The following NR3C2 variants were observed in gnomAD, a reference collection of about 807,000 sequenced individuals.
NR3C2 encodes mineralocorticoid receptor.
In NR3C2, 15 loss-of-function variants were observed where a neutral mutation model predicts 86.4. The observed-to-expected ratio is 0.17, with a 90% CI of 0.12 to 0.27. The LOEUF is 0.27. NR3C2 is among the 10% of genes least tolerant of loss of function. The pLI, the probability that NR3C2 is intolerant of heterozygous loss-of-function variation, is 1.00. For synonymous variants in NR3C2, 458 were observed against 450.5 expected (o/e 1.02, Z -0.21); for missense variants, 960 against 1,195.6 (o/e 0.80, Z 2.91).
chr4:148,277,335 C>T (rs6535597), intron 2 of NR3C2, among the ~76,000 whole-genome samples: 77,369 of 152,046 alleles, frequency 0.51, 21,069 homozygotes, highest in African/African-American at 0.71. Flanking sequence ...GAAAATAATG[C>T]ACCTTCGAAT....
At chr4:148,329,494 T>G (rs1744125552) in intron 2 of NR3C2, among the ~76,000 whole-genome samples, 1 of 152,232 alleles carries the variant, frequency 6.6e-6, no homozygotes, top group Non-Finnish European at 1.5e-5. Flanking sequence ...GATTCTACAC[T>G]TTTTGTTTCC....
Position 148,436,399 on chromosome 4 carries a change from T to TA in NR3C2, c.461dup (p.Ser155LysfsTer13). ...ATCTCAAGGGCGTGTTCACACAACT[T>TA]AGAGTGGAAGGACGATGGCCATTTC... On this transcript the variant is annotated frameshift_variant, in exon 2 of 9. Transcript: ENST00000358102. 6.2e-7 allele frequency: 1 copy of TA among 1,614,158 alleles called. No homozygotes were observed. Among genetic ancestry groups the TA allele is most frequent in the Non-Finnish European group, 8.5e-7 (1 of 1,180,034 alleles).
chr4:148,434,215 T>C (rs1405993638), intron 2 of NR3C2, among the ~76,000 whole-genome samples: 1 of 152,134 alleles, frequency 6.6e-6, no homozygotes, highest in Non-Finnish European at 1.5e-5. Context: ...AAGGAATAAT[T>C]TATCACAACC....
chr4:148,317,542 TA>T (rs1232201043), intron 2 of NR3C2, among the ~76,000 whole-genome samples: 2 of 152,136 alleles, frequency 1.3e-5, no homozygotes, highest in East Asian at 1.9e-4. Flanking sequence ...GAAGCTACAT[TA>T]AAAAAATACA....
At chr4:148,230,930 G>A (rs866110848) in intron 3 of NR3C2, among the ~76,000 whole-genome samples, 10 of 152,300 alleles carry the variant, frequency 6.6e-5, no homozygotes, top group South Asian at 2.1e-4. Flanking sequence ...TTTAAGTATC[G>A]ATTACTGAAA....
rs1196816631 is a variant in NR3C2, at chr4:148,078,985, T to TCAA, written c.*2356_*2358dup. On this transcript the variant is annotated 3_prime_UTR_variant, in exon 9 of 9. Coordinates refer to ENST00000358102, the MANE Select transcript of NR3C2 (RefSeq NM_000901.5). Reference sequence around the variant, plus strand: ...AGACAATTTGGACTGGGACAGGCATTCAACAGTGAATTTAGAATATGGCTT... The same window carrying TCAA: ...AGACAATTTGGACTGGGACAGGCATTCAACAACAGTGAATTTAGAATATGGCTT... The TCAA allele has an allele frequency of 3.9e-5, 6 of 152,614 alleles. No homozygotes were observed. Among genetic ancestry groups the TCAA allele is most frequent in the African/African-American group, 1.4e-4 (6 of 41,436 alleles). The allele number at this position is 152,614 out of a possible 1,614,324, so 9.5% of individuals were successfully genotyped here.
chr4:148,377,310 C>A (rs887442661), intron 2 of NR3C2, among the ~76,000 whole-genome samples: 1 of 152,288 alleles, frequency 6.6e-6, no homozygotes, highest in Non-Finnish European at 1.5e-5. Flanking sequence ...GGTATGAGGG[C>A]ACTAGCCTGT....
chr4:148,157,266 T>C (rs971406501), intron 4 of NR3C2, among the ~76,000 whole-genome samples: 2 of 151,804 alleles, frequency 1.3e-5, no homozygotes, highest in African/African-American at 4.8e-5. Flanking sequence ...GTAACTAACC[T>C]GCACATTGTG....
chr4:148,326,719 G>A (rs1373446026), intron 2 of NR3C2, among the ~76,000 whole-genome samples: 1 of 151,882 alleles, frequency 6.6e-6, no homozygotes, highest in Non-Finnish European at 1.5e-5. Flanking sequence ...TGATACATTA[G>A]AGACAAGGAC....
At chr4:148,208,408 C>T (rs1000311019) in intron 3 of NR3C2, 5 of 152,262 alleles carry the variant, frequency 3.3e-5, no homozygotes, top group African/African-American at 1.2e-4. Context: ...TACTTTTCTA[C>T]CAATTATGCT....
chr4:148,173,092 T>C (rs141559149), intron 4 of NR3C2, among the ~76,000 whole-genome samples: 73 of 152,180 alleles, frequency 4.8e-4, no homozygotes, highest in Admixed American at 3.3e-3. Context: ...AGGCACAAAC[T>C]AGCAAGAATA....
At chr4:148,145,577 G>A (rs988826527) in intron 6 of NR3C2, among the ~76,000 whole-genome samples, 1 of 152,156 alleles carries the variant, frequency 6.6e-6, no homozygotes, top group Non-Finnish European at 1.5e-5. Flanking sequence ...TCTTTCTTCT[G>A]AGGAGGCAAG....
At chr4:148,330,812 C>T (rs892051420) in intron 2 of NR3C2, among the ~76,000 whole-genome samples, 1 of 152,138 alleles carries the variant, frequency 6.6e-6, no homozygotes, top group African/African-American at 2.4e-5. Flanking sequence ...TCATAAATGG[C>T]TTGGCACCAT....
intron 6 of NR3C2, among the ~76,000 whole-genome samples, chr4:148,125,338 G>A (rs1214892974): frequency 3.9e-5 from 6 of 152,150 alleles, no homozygotes; most frequent in Admixed American, 2.6e-4. Context: ...AGTAGACAGC[G>A]AAATCTTTGC....
Position 148,251,253 on chromosome 4 carries a change from C to A in NR3C2, c.1897+8725G>T, listed in dbSNP as rs571640509. ...GGATTACAGGCGTGAGCCACCGCAC[C>A]CAACACAGTCTCCATCTAATAGTCT... On this transcript the variant is annotated intron_variant, in intron 3 of 8. Coordinates refer to ENST00000358102, the MANE Select transcript of NR3C2 (RefSeq NM_000901.5). Among the ~76,000 whole-genome samples, 9 of 152,208 alleles carry A rather than the reference C, an allele frequency of 5.9e-5. No individual in the cohort carries two copies. The East Asian group carries it at 9.7e-4, about 16-fold the overall frequency.
At chr4:148,247,212 A>T (rs537382240) in intron 3 of NR3C2, among the ~76,000 whole-genome samples, 1 of 152,198 alleles carries the variant, frequency 6.6e-6, no homozygotes, top group African/African-American at 2.4e-5. Flanking sequence ...CAAATTTTCA[A>T]GTAACTTTAA....
rs184739420 is a variant in NR3C2, at chr4:148,281,212, T to C, written c.1758-21095A>G. 1.6e-3 allele frequency among the ~76,000 whole-genome samples: 249 copies of C among 152,328 alleles called. 2 individuals carry two copies. The highest frequency in any genetic ancestry group is 1.5e-3 in the Non-Finnish European group (101 of 68,032). On this transcript the variant is annotated intron_variant, in intron 2 of 8. Transcript: ENST00000358102. ...GACTGTGGTACTAAGAGCAGCAGAC[T>C]TGGGGAAAAAGCGGGTGAAAGATAA...
At chr4:148,267,251 G>C (rs1740441994) in intron 2 of NR3C2, among the ~76,000 whole-genome samples, 2 of 151,632 alleles carry the variant, frequency 1.3e-5, no homozygotes, top group African/African-American at 4.8e-5. Context: ...TGATTAATTA[G>C]TATTTACCAT....
chr4:148,122,658 G>A (rs113804838), intron 6 of NR3C2, among the ~76,000 whole-genome samples: 10 of 152,300 alleles, frequency 6.6e-5, no homozygotes, highest in African/African-American at 2.2e-4. Context: ...GACCCCGAAC[G>A]GAGGGACTGG....
Sources: allele counts gnomAD v4.1 joint callset (sites outside exome capture counted in the v4.1 genomes callset), GRCh38; gene constraint gnomAD v4.1.1; transcripts MANE v1.5; gene names NCBI Gene and HGNC (gene_info 2026-07-23, HGNC 2026-07-21).